The following PPA2 variants were observed in gnomAD, a reference collection of about 807,000 sequenced individuals.
PPA2 encodes inorganic pyrophosphatase 2, mitochondrial.
PPA2 carries 48 observed loss-of-function variants against 49.5 expected under a neutral mutation model. The observed-to-expected ratio is 0.97, with a 90% CI of 0.77 to 1.23. The LOEUF (loss-of-function observed/expected upper bound fraction) is 1.23, where lower values mean the gene tolerates loss of function less well. Among genes scored for constraint, PPA2 ranks in the 50% most tolerant of loss-of-function variants. The probability of loss-of-function intolerance (pLI) is 0.00; values close to 1 mark genes in which losing one functional copy is unlikely to be tolerated. For missense variants in PPA2, 429 were observed against 410.1 expected, an observed-to-expected ratio of 1.05 and a Z score of -0.40; for synonymous variants, 131 against 139.9, an observed-to-expected ratio of 0.94 and a Z score of 0.45.
chr4:105,383,349 A>T (rs190167754), intron 10 of PPA2, among the ~76,000 whole-genome samples: 114 of 152,322 alleles, frequency 7.5e-4, no homozygotes, highest in Non-Finnish European at 5.6e-4. Context: ...TTTGTTTCTA[A>T]GATGGTTCTT....
chr4:105,426,592 A>G (rs1302954099), intron 6 of PPA2, among the ~76,000 whole-genome samples: 1 of 152,204 alleles, frequency 6.6e-6, no homozygotes, highest in Non-Finnish European at 1.5e-5. Context: ...CTAGCGCAGC[A>G]GTCTGAGATC....
intron 10 of PPA2, among the ~76,000 whole-genome samples, chr4:105,380,728 C>T (rs1733453533): frequency 6.6e-6 from 1 of 151,842 alleles, no homozygotes; most frequent in Non-Finnish European, 1.5e-5. Flanking sequence ...AATGTAATAC[C>T]ATATATGTTT....
chr4:105,453,594 A>G lies in PPA2; in HGVS notation c.267+4T>C, dbSNP rs1438318866. ...TTCACAAAAATAAAAACCTTTGGATATACCTCATATTCATCATTTCGTGCT... is the reference window on the plus strand; with the variant it reads ...TTCACAAAAATAAAAACCTTTGGATGTACCTCATATTCATCATTTCGTGCT... On this transcript the variant is annotated splice_donor_region_variant and intron_variant, in intron 3 of 11. Transcript: ENST00000341695. The G allele has an allele frequency of 1.3e-6, 2 of 1,597,100 alleles. No homozygotes were observed. The highest frequency in any genetic ancestry group is 1.7e-5 in the Admixed American group (1 of 57,984).
intron 7 of PPA2, among the ~76,000 whole-genome samples, chr4:105,403,638 T>G (rs1722327344): frequency 6.6e-6 from 1 of 152,168 alleles, no homozygotes; most frequent in Non-Finnish European, 1.5e-5. Context: ...TTTTTCCAAG[T>G]CCAGAGCTCT....
intron 1 of PPA2, 22 bp downstream of exon 1, chr4:105,473,871 GC>G: frequency 3.2e-6 from 5 of 1,578,414 alleles, no homozygotes; most frequent in Non-Finnish European, 4.3e-6. Context: ...GCGCCGCTCG[GC>G]GAACCTCCGG....
chr4:105,449,657 T>C (rs965992440), intron 3 of PPA2, among the ~76,000 whole-genome samples: 30 of 152,176 alleles, frequency 2.0e-4, no homozygotes, highest in African/African-American at 6.8e-4. Flanking sequence ...ATATCTTTGA[T>C]GAGTAGTGAC....
intron 6 of PPA2, among the ~76,000 whole-genome samples, chr4:105,431,180 A>T (rs973055836): frequency 1.2e-4 from 18 of 152,210 alleles, no homozygotes; most frequent in Non-Finnish European, 5.9e-5. Context: ...ATAATTTTGC[A>T]TGTAATTATA....
intron 10 of PPA2, among the ~76,000 whole-genome samples, chr4:105,375,044 C>T (rs1178867833): frequency 6.6e-6 from 1 of 151,868 alleles, no homozygotes; most frequent in African/African-American, 2.4e-5. Context: ...AGTTATGCTA[C>T]ATTCATTTTA....
chr4:105,431,890 T>C (rs371526046), intron 6 of PPA2, among the ~76,000 whole-genome samples: 1 of 152,144 alleles, frequency 6.6e-6, no homozygotes, highest in Non-Finnish European at 1.5e-5. Context: ...ACCTATAGTA[T>C]AGAGACAGTA....
intron 8 of PPA2, among the ~76,000 whole-genome samples, chr4:105,398,013 T>A (rs1423287773): frequency 6.6e-6 from 1 of 152,064 alleles, no homozygotes; most frequent in Non-Finnish European, 1.5e-5. Context: ...CATAAAACAA[T>A]TATTTTCTGG....
intron 7 of PPA2, among the ~76,000 whole-genome samples, chr4:105,423,893 G>C (rs1173079794): frequency 6.6e-6 from 1 of 151,938 alleles, no homozygotes; most frequent in Non-Finnish European, 1.5e-5. Context: ...TTTCAAAACA[G>C]TTCCCAACAG....
intron 5 of PPA2, among the ~76,000 whole-genome samples, chr4:105,445,892 CTACT>C (rs1277287088): frequency 6.6e-6 from 1 of 151,806 alleles, no homozygotes; most frequent in Non-Finnish European, 1.5e-5. Flanking sequence ...TCTCTGCTTT[CTACT>C]TAAAAATTAT....
chr4:105,394,295 AC>A (rs1734042581), intron 9 of PPA2, among the ~76,000 whole-genome samples: 1 of 144,656 alleles, frequency 6.9e-6, no homozygotes, highest in South Asian at 2.3e-4. Flanking sequence ...AATTACTTGA[AC>A]CTGGGAGGCA....
chr4:105,436,871 T>C (rs2636742), intron 6 of PPA2, among the ~76,000 whole-genome samples: 91,941 of 151,956 alleles, frequency 0.61, 27,829 homozygotes, highest in East Asian at 0.68. Flanking sequence ...TAAAAATTCC[T>C]GAAGAAAATC....
At chr4:105,421,205 A>C (rs1047731478) in intron 7 of PPA2, among the ~76,000 whole-genome samples, 4 of 152,202 alleles carry the variant, frequency 2.6e-5, no homozygotes, top group Admixed American at 6.5e-5. Context: ...CAGTTGATAA[A>C]TGTTTAAGAA....
At chr4:105,412,661 A>T (rs1329292024) in intron 7 of PPA2, among the ~76,000 whole-genome samples, 1 of 152,206 alleles carries the variant, frequency 6.6e-6, no homozygotes, top group Non-Finnish European at 1.5e-5. Flanking sequence ...CCCCATCAAA[A>T]AGTAAGCAAA....
In PPA2 at chr4:105,369,727, A is replaced by C; in HGVS notation, c.1003T>G (p.Ter335GlyextTer14). ...CAGCAGAATTTCAGATGTTTCAATC[A>C]CTTGCCAAGGAAGTGCCACACTTGC... ...EEQVWHFLGK[*>G] Residue 335 changes from the stop codon to glycine (G), a stop_lost, in exon 12 of 12, where the codon TGA (stop) becomes GGA (glycine). Coordinates refer to ENST00000341695, the MANE Select transcript of PPA2 (RefSeq NM_176869.3). 3 of 1,590,550 alleles carry C rather than the reference A, an allele frequency of 1.9e-6. No individual in the cohort carries two copies. Among genetic ancestry groups the C allele is most frequent in the Non-Finnish European group, 2.6e-6 (3 of 1,158,662 alleles).
At chr4:105,430,820 A>G (rs1723763772) in intron 6 of PPA2, among the ~76,000 whole-genome samples, 1 of 152,210 alleles carries the variant, frequency 6.6e-6, no homozygotes, top group Non-Finnish European at 1.5e-5. Flanking sequence ...GATTTACCAA[A>G]CAGACACTGT....
intron 7 of PPA2, among the ~76,000 whole-genome samples, chr4:105,402,824 G>A (rs1235397530): frequency 2.0e-5 from 3 of 152,108 alleles, no homozygotes; most frequent in Non-Finnish European, 2.9e-5. Flanking sequence ...CTAGACAAAC[G>A]TAGTTGTATG....
Sources: allele counts gnomAD v4.1 joint callset (sites outside exome capture counted in the v4.1 genomes callset), GRCh38; gene constraint gnomAD v4.1.1; transcripts MANE v1.5; gene names NCBI Gene and HGNC (gene_info 2026-07-23, HGNC 2026-07-21).